TTC39C: variants seen among roughly 807,000 people sequenced by gnomAD.
The protein encoded by TTC39C is tetratricopeptide repeat protein 39C.
TTC39C carries 33 observed loss-of-function variants against 76.3 expected under a neutral mutation model. The observed-to-expected ratio is 0.43, with a 90% CI of 0.33 to 0.58. TTC39C has a LOEUF of 0.58. Among genes scored for constraint, TTC39C ranks in the 20% least tolerant of loss-of-function variants. The probability of loss-of-function intolerance (pLI) is 0.04; values close to 1 mark genes in which losing one functional copy is unlikely to be tolerated. For missense variants in TTC39C, 595 were observed against 701.4 expected (o/e 0.85, Z 1.71); for synonymous variants, 254 against 260.6 (o/e 0.97, Z 0.24).
At chr18:24,059,406 C>T (rs1245788118) in intron 1 of TTC39C, among the ~76,000 whole-genome samples, 2 of 152,132 alleles carry the variant, frequency 1.3e-5, no homozygotes, top group African/African-American at 4.8e-5. Context: ...TGTTGTTCCC[C>T]TCTATGTGTC....
At chr18:24,009,061 T>G (rs1162512222) in intron 1 of TTC39C, among the ~76,000 whole-genome samples, 1 of 152,000 alleles carries the variant, frequency 6.6e-6, no homozygotes, top group Non-Finnish European at 1.5e-5. Flanking sequence ...GGGTAGAGGC[T>G]GGGAAAAAGG....
intron 6 of TTC39C, among the ~76,000 whole-genome samples, chr18:24,085,890 A>G (rs531722228): frequency 6.6e-6 from 1 of 152,366 alleles, no homozygotes; most frequent in East Asian, 1.9e-4. Flanking sequence ...AACTTGAAAT[A>G]TGGTTGTTAT....
rs749554835 is a variant in TTC39C, at chr18:24,066,047, G to A, written c.252G>A (p.Gln84=). 2.4e-5 allele frequency: 38 copies of A among 1,599,762 alleles called. 1 individual carries two copies. In the South Asian group the frequency reaches 4.2e-4, roughly 18 times the overall value. ...TGACATTTGAGGAAGAAAAAATGCA[G>A]TTGGCATGTGATGACTTAAAAACCA... ...AMMTFEEEKM[Q]LACDDLKTTE... Residue 84 remains glutamine (Q), a synonymous_variant, in exon 3 of 14, where the codon CAG becomes CAA. Coordinates refer to ENST00000317571, the MANE Select transcript of TTC39C (RefSeq NM_001135993.2).
At chr18:24,045,475 TAAA>T (rs918032808) in intron 1 of TTC39C, among the ~76,000 whole-genome samples, 2 of 152,122 alleles carry the variant, frequency 1.3e-5, no homozygotes, top group African/African-American at 4.8e-5. Context: ...AAGGCTGTAA[TAAA>T]TACCCAAAAT....
chr18:24,049,825 T>C (rs2083926852), intron 1 of TTC39C, among the ~76,000 whole-genome samples: 1 of 152,238 alleles, frequency 6.6e-6, no homozygotes, highest in Non-Finnish European at 1.5e-5. Flanking sequence ...AAACACGGAA[T>C]GGAAACATTT....
At chr18:24,089,378 T>G (rs1042044959) in intron 6 of TTC39C, among the ~76,000 whole-genome samples, 2 of 152,178 alleles carry the variant, frequency 1.3e-5, no homozygotes, top group African/African-American at 4.8e-5. Context: ...AAAGTTCTGT[T>G]CATTGTAGTC....
At chr18:24,112,814 G>A (rs970356577) in intron 6 of TTC39C, among the ~76,000 whole-genome samples, 3 of 152,196 alleles carry the variant, frequency 2.0e-5, no homozygotes, top group African/African-American at 7.2e-5. Flanking sequence ...TGTGATTTCT[G>A]TATAAATATG....
At chr18:24,035,842 A>G (rs578090386) in intron 1 of TTC39C, among the ~76,000 whole-genome samples, 2 of 152,364 alleles carry the variant, frequency 1.3e-5, no homozygotes, top group African/African-American at 4.8e-5. Context: ...ATCACATCCA[A>G]GAAACCATTG....
At chr18:24,128,859 G>T in intron 10 of TTC39C, 27 bp from the exon 11 acceptor site, 4 of 1,580,810 alleles carry the variant, frequency 2.5e-6, no homozygotes, top group Non-Finnish European at 3.5e-6. Context: ...TTTGCTTACT[G>T]CTCTGTTCAC....
intron 4 of TTC39C, among the ~76,000 whole-genome samples, chr18:24,074,364 A>C (rs2084277402): frequency 6.6e-6 from 1 of 152,208 alleles, no homozygotes; most frequent in Non-Finnish European, 1.5e-5. Flanking sequence ...TGGAACGCTA[A>C]GCATGTGGGA....
intron 6 of TTC39C, among the ~76,000 whole-genome samples, chr18:24,093,546 G>A (rs139818860): frequency 2.4e-3 from 360 of 151,424 alleles, no homozygotes; most frequent in Middle Eastern, 6.9e-3. Flanking sequence ...CTTTTTCTTC[G>A]GATATAAGCT....
At chr18:23,998,665 T>A (rs1313629959) in intron 1 of TTC39C, among the ~76,000 whole-genome samples, 1 of 152,146 alleles carries the variant, frequency 6.6e-6, no homozygotes, top group African/African-American at 2.4e-5. Context: ...AAAAAGAAAC[T>A]ATAAGAATTT....
At chr18:24,036,449 A>G (rs1316310653) in intron 1 of TTC39C, among the ~76,000 whole-genome samples, 2 of 152,192 alleles carry the variant, frequency 1.3e-5, no homozygotes, top group African/African-American at 4.8e-5. Context: ...GGTTAAGTTT[A>G]TTCCTAAGTA....
intron 1 of TTC39C, among the ~76,000 whole-genome samples, chr18:24,041,045 A>G (rs1840386600): frequency 6.6e-6 from 1 of 152,220 alleles, no homozygotes; most frequent in Non-Finnish European, 1.5e-5. Context: ...AGTTCAGGGA[A>G]AAAAGTAGGG....
At chr18:24,125,585 G>A (rs2085040612) in intron 10 of TTC39C, 35 bp downstream of exon 10, 1 of 1,612,072 alleles carries the variant, frequency 6.2e-7, no homozygotes, top group Non-Finnish European at 8.5e-7. Flanking sequence ...ACTGTCTACT[G>A]GACACACTGG....
intron 9 of TTC39C, among the ~76,000 whole-genome samples, chr18:24,124,978 C>T (rs1164106453): frequency 2.6e-5 from 4 of 152,292 alleles, no homozygotes; most frequent in African/African-American, 4.8e-5. Context: ...CCGCAACCTC[C>T]GCCTCCCAGG....
intron 6 of TTC39C, among the ~76,000 whole-genome samples, chr18:24,103,140 T>C (rs889273659): frequency 2.6e-5 from 4 of 152,186 alleles, no homozygotes; most frequent in Non-Finnish European, 5.9e-5. Flanking sequence ...TAGCCTCTCC[T>C]TGCTCCACAT....
intron 6 of TTC39C, among the ~76,000 whole-genome samples, chr18:24,090,930 C>T (rs1026797432): frequency 6.6e-6 from 1 of 151,166 alleles, no homozygotes; most frequent in South Asian, 2.1e-4. Context: ...CCTCAGCCTA[C>T]CAAGTAGCTG....
intron 1 of TTC39C, among the ~76,000 whole-genome samples, chr18:24,047,009 A>G (rs1211456339): frequency 6.6e-6 from 1 of 151,940 alleles, no homozygotes; most frequent in Non-Finnish European, 1.5e-5. Context: ...GAATGTTAGC[A>G]TGACATTCAT....
Sources: gnomAD v4.1 joint callset for allele counts (sites outside exome capture counted in the v4.1 genomes callset) on GRCh38, gnomAD v4.1.1 for gene constraint, MANE v1.5 for transcripts, NCBI Gene and HGNC (gene_info 2026-07-23, HGNC 2026-07-21) for gene names.